The following WWC2 variants were observed in gnomAD, a reference collection of about 807,000 sequenced individuals.
WWC2 encodes protein WWC2.
Under a neutral mutation model 138.5 loss-of-function variants are expected in WWC2, and 101 were observed. That is an observed-to-expected ratio of 0.73 (90% CI 0.62 to 0.86). WWC2 has a LOEUF of 0.86. Among genes scored for constraint, WWC2 ranks in the 40% least tolerant of loss-of-function variants. WWC2 has a pLI of 0.00. For synonymous variants in WWC2, 558 were observed against 538.4 expected (o/e 1.04, Z -0.50); for missense variants, 1,420 against 1,419.4 (o/e 1.00, Z -0.01).
chr4:183,271,016 C>A, intron 15 of WWC2, 64 bp from the exon 16 acceptor site: 1 of 1,355,092 alleles, frequency 7.4e-7, no homozygotes. Context: ...AGAACAAATA[C>A]TAATTTAAAC....
chr4:183,279,656 C>A (rs943516774), intron 16 of WWC2, among the ~76,000 whole-genome samples: 1 of 151,926 alleles, frequency 6.6e-6, no homozygotes, highest in Non-Finnish European at 1.5e-5. Context: ...ATTTCAGATC[C>A]TGTTATTGGT....
At chr4:183,115,938 T>C (rs1732395108) in intron 1 of WWC2, among the ~76,000 whole-genome samples, 1 of 152,174 alleles carries the variant, frequency 6.6e-6, no homozygotes, top group Non-Finnish European at 1.5e-5. Context: ...GAATGGTATT[T>C]CCTAGGTTTT....
At chr4:183,135,557 T>TAG (rs1445703255) in intron 1 of WWC2, among the ~76,000 whole-genome samples, 2 of 151,642 alleles carry the variant, frequency 1.3e-5, no homozygotes, top group African/African-American at 4.8e-5. Context: ...TATATATATA[T>TAG]ATAGATACAC....
At chr4:183,257,089 C>T (rs6828276) in intron 9 of WWC2, among the ~76,000 whole-genome samples, 54,632 of 152,048 alleles carry the variant, frequency 0.36, 9,923 homozygotes, top group South Asian at 0.48. Flanking sequence ...TCGTATTCTT[C>T]CCATGCAGTT....
At chr4:183,172,679 G>A (rs1734330300) in intron 1 of WWC2, among the ~76,000 whole-genome samples, 1 of 149,880 alleles carries the variant, frequency 6.7e-6, no homozygotes. Flanking sequence ...GTTGGGCATT[G>A]ATGTAGGCCT....
At chr4:183,137,336 T>C (rs754437704) in intron 1 of WWC2, among the ~76,000 whole-genome samples, 3 of 152,198 alleles carry the variant, frequency 2.0e-5, no homozygotes, top group Non-Finnish European at 4.4e-5. Flanking sequence ...ATATCTTTTC[T>C]TTGTGTCCTT....
intron 21 of WWC2, among the ~76,000 whole-genome samples, chr4:183,302,509 G>A (rs1580166568): frequency 6.6e-6 from 1 of 152,306 alleles, no homozygotes; most frequent in East Asian, 1.9e-4. Flanking sequence ...CTGAGTCAAT[G>A]TCGACGTCGA....
intron 2 of WWC2, chr4:183,203,643 G>A (rs373840563): frequency 6.6e-6 from 1 of 152,068 alleles, no homozygotes; most frequent in Admixed American, 6.5e-5. Context: ...TAAGAGTACT[G>A]TTACTAATGG....
intron 1 of WWC2, among the ~76,000 whole-genome samples, chr4:183,108,231 G>A (rs1371943778): frequency 6.6e-6 from 1 of 152,122 alleles, no homozygotes; most frequent in East Asian, 1.9e-4. Context: ...AACCTGACAA[G>A]CGCTGCCTCC....
chr4:183,226,665 A>G (rs1418913186), intron 4 of WWC2, among the ~76,000 whole-genome samples: 1 of 152,086 alleles, frequency 6.6e-6, no homozygotes, highest in Non-Finnish European at 1.5e-5. Flanking sequence ...CTAGAAAACA[A>G]ACAAACAAAA....
intron 10 of WWC2, 119 bp downstream of exon 10, chr4:183,259,847 G>T: frequency 1.3e-6 from 1 of 756,356 alleles, no homozygotes; most frequent in Non-Finnish European, 2.2e-6. Context: ...TAGTAGCACA[G>T]TTACTGTTTG....
intron 5 of WWC2, among the ~76,000 whole-genome samples, chr4:183,243,366 T>C (rs1214810245): frequency 1.3e-5 from 2 of 152,330 alleles, no homozygotes; most frequent in African/African-American, 4.8e-5. Context: ...TTATTTTTAG[T>C]TAAAAAGTGC....
intron 1 of WWC2, among the ~76,000 whole-genome samples, chr4:183,106,331 A>T (rs1021618124): frequency 4.6e-5 from 7 of 152,324 alleles, no homozygotes; most frequent in African/African-American, 1.7e-4. Flanking sequence ...GTTGTGAGAT[A>T]CAAATGATTT....
At chr4:183,109,109 C>T (rs938866841) in intron 1 of WWC2, among the ~76,000 whole-genome samples, 7 of 152,116 alleles carry the variant, frequency 4.6e-5, no homozygotes, top group African/African-American at 1.7e-4. Flanking sequence ...GAAGCATAAC[C>T]ATGTTTGTTG....
intron 1 of WWC2, among the ~76,000 whole-genome samples, chr4:183,128,627 A>G (rs891539880): frequency 1.3e-5 from 2 of 152,144 alleles, no homozygotes; most frequent in African/African-American, 4.8e-5. Context: ...CAACCCCTTA[A>G]AAATGGGTGT....
At chr4:183,164,288 ATATATATATATACAT>A (rs1561443604) in intron 1 of WWC2, among the ~76,000 whole-genome samples, 1 of 278 alleles carries the variant, frequency 3.6e-3, no homozygotes, top group African/African-American at 6.3e-3. Flanking sequence ...ATATATATAT[ATATATATATATACAT>A]ATATATATTA....
At chr4:183,157,505 T>A (rs534432078) in intron 1 of WWC2, among the ~76,000 whole-genome samples, 14 of 152,262 alleles carry the variant, frequency 9.2e-5, no homozygotes, top group Non-Finnish European at 1.8e-4. Flanking sequence ...AATTTTTTTT[T>A]ATATATTTAT....
intron 2 of WWC2, among the ~76,000 whole-genome samples, chr4:183,200,958 A>G (rs1735279058): frequency 6.6e-6 from 1 of 152,262 alleles, no homozygotes; most frequent in Admixed American, 6.5e-5. Context: ...AGTCATCTAC[A>G]GTTCTGAAAA....
In WWC2 at chr4:183,260,921, G is replaced by C. The variant is rs984160159; in HGVS notation, c.1298G>C (p.Ser433Thr). 14 of 1,613,494 alleles carry C rather than the reference G, an allele frequency of 8.7e-6. No homozygotes were observed. Among genetic ancestry groups the C allele is most frequent in the Non-Finnish European group, 1.0e-5 (12 of 1,179,770 alleles). The change falls in exon 11 of 23, where the codon AGC (serine) becomes ACC (threonine). Residue 433 changes from serine to threonine, a missense_variant. Coordinates refer to ENST00000403733, the MANE Select transcript of WWC2 (RefSeq NM_024949.6). ...LHSQLKSLSA[S>T]TLSMSSGSSL... is the part of the protein sequence containing the mutation. ...TTTTTGTCTTTCAGCCTCTCTGCCA[G>C]CACCCTGTCCATGTCATCTGGGAGC... is the stretch of plus-strand genomic sequence containing the variant.
Sources: gnomAD v4.1 joint callset for allele counts (sites outside exome capture counted in the v4.1 genomes callset) on GRCh38, gnomAD v4.1.1 for gene constraint, MANE v1.5 for transcripts, NCBI Gene and HGNC (gene_info 2026-07-23, HGNC 2026-07-21) for gene names.